ATP13A4: variants seen among roughly 807,000 people sequenced by gnomAD.
The protein encoded by ATP13A4 is probable cation-transporting ATPase 13A4.
ATP13A4 carries 114 observed loss-of-function variants against 142.5 expected under a neutral mutation model. The observed-to-expected ratio is 0.80, with a 90% confidence interval of 0.69 to 0.93. The LOEUF (loss-of-function observed/expected upper bound fraction) is 0.93. ATP13A4 is among the 40% of genes least tolerant of loss of function. ATP13A4 has a pLI of 0.00. For synonymous variants in ATP13A4, 488 were observed against 514.8 expected (o/e 0.95, Z 0.70); for missense variants, 1,392 against 1,454.0 (o/e 0.96, Z 0.69).
rs1204137400 is a variant in ATP13A4 at position 193,462,829 on chromosome 3, C to A, written c.1462-6G>T. The A allele has an allele frequency of 3.7e-6, 6 of 1,613,508 alleles. No individual in the cohort carries two copies. The highest frequency in any genetic ancestry group is 5.1e-6 in the Non-Finnish European group (6 of 1,179,642). On this transcript the variant is annotated splice_polypyrimidine_tract_variant and splice_region_variant and intron_variant, in intron 12 of 29. Transcript: ENST00000342695. ...TCCCTTGTTAAGGTGCCTGTCTAAA[C>A]AGAAACAAATGCTCCATTTACTCTG...
intron 20 of ATP13A4, 131 bp downstream of exon 20, chr3:193,441,335 C>T: frequency 1.8e-6 from 2 of 1,139,808 alleles, no homozygotes; most frequent in Admixed American, 3.7e-5. Flanking sequence ...AAATATCTGT[C>T]TCTCTTAAGA....
At chr3:193,473,599 G>A (rs1718745098) in intron 8 of ATP13A4, among the ~76,000 whole-genome samples, 1 of 152,146 alleles carries the variant, frequency 6.6e-6, no homozygotes, top group Admixed American at 6.5e-5. Context: ...TTGCAATGGA[G>A]AAACCTGGCA....
At chr3:193,490,074 C>T (rs1250194019) in intron 6 of ATP13A4, among the ~76,000 whole-genome samples, 1 of 152,138 alleles carries the variant, frequency 6.6e-6, no homozygotes. Context: ...ACCTTATTAA[C>T]CAGAAGTTGT....
chr3:193,572,781 T>C (rs545802804), intron 2 of ATP13A4, among the ~76,000 whole-genome samples: 120 of 151,886 alleles, frequency 7.9e-4, no homozygotes, highest in Non-Finnish European at 1.3e-3. Context: ...AACCAGCTGA[T>C]GGGAATGTAA....
At chr3:193,530,032 C>G (rs988534818) in intron 1 of ATP13A4, among the ~76,000 whole-genome samples, 2 of 152,134 alleles carry the variant, frequency 1.3e-5, no homozygotes, top group Non-Finnish European at 2.9e-5. Context: ...TCTTCCTTAT[C>G]CTGCATTTGT....
At chr3:193,492,272 T>G (rs1299474471) in intron 5 of ATP13A4, among the ~76,000 whole-genome samples, 1 of 152,156 alleles carries the variant, frequency 6.6e-6, no homozygotes, top group Admixed American at 6.5e-5. Context: ...TCATAGAAAC[T>G]TAGAACAGCA....
At chr3:193,408,780 C>T (rs1714629224) in intron 28 of ATP13A4, among the ~76,000 whole-genome samples, 1 of 151,934 alleles carries the variant, frequency 6.6e-6, no homozygotes, top group Non-Finnish European at 1.5e-5. Flanking sequence ...CACATCTAGC[C>T]CTCCTTCTTC....
intron 28 of ATP13A4, 123 bp downstream of exon 28, chr3:193,410,859 C>T: frequency 1.5e-6 from 1 of 669,250 alleles, no homozygotes; most frequent in South Asian, 1.8e-5. Flanking sequence ...TTTTTTTTAG[C>T]TCTGCCATCC....
At chr3:193,407,055 T>C (rs1342210430) in intron 29 of ATP13A4, among the ~76,000 whole-genome samples, 2 of 152,116 alleles carry the variant, frequency 1.3e-5, no homozygotes, top group South Asian at 4.1e-4. Context: ...GGGTCTTTAT[T>C]TGGAAATTGT....
intron 18 of ATP13A4, among the ~76,000 whole-genome samples, chr3:193,446,178 TAAAC>T (rs1716944440): frequency 1.3e-5 from 2 of 150,612 alleles, no homozygotes; most frequent in African/African-American, 2.4e-5. Flanking sequence ...AATAAGTAAA[TAAAC>T]AAACAAATAA....
intron 26 of ATP13A4, among the ~76,000 whole-genome samples, chr3:193,414,244 A>T (rs1422537102): frequency 6.6e-6 from 1 of 152,244 alleles, no homozygotes; most frequent in Admixed American, 6.5e-5. Context: ...AAAGATGTTA[A>T]TAATTTCACT....
chr3:193,444,836 C>T (rs1418078542), intron 18 of ATP13A4, among the ~76,000 whole-genome samples: 2 of 152,174 alleles, frequency 1.3e-5, no homozygotes, highest in Non-Finnish European at 2.9e-5. Context: ...TCAAAAGAGC[C>T]GAAGTGGTAG....
rs556690441 is a variant in ATP13A4, at chr3:193,428,288, A to T, written c.2842+5557T>A. Among the ~76,000 whole-genome samples, 4 of 151,444 alleles carry T rather than the reference A, an allele frequency of 2.6e-5. No individual in the cohort carries two copies. The South Asian group carries it at 8.3e-4, about 31-fold the overall frequency. On this transcript the variant is annotated intron_variant, in intron 25 of 29. Transcript: ENST00000342695. The stretch of plus-strand genomic sequence containing the variant: ...ATGGTGATAATTAGAAAGTCAGGAA[A>T]CAACAGGTGTTGGAGAGGATGTGGA...
chr3:193,531,329 A>AGTAAGGGAG, intron 1 of ATP13A4, among the ~76,000 whole-genome samples: 1 of 114,990 alleles, frequency 8.7e-6, no homozygotes, highest in Admixed American at 9.0e-5. Flanking sequence ...GAAGGAAGGA[A>AGTAAGGGAG]GGAAGGAAGG....
rs941874616 is a variant in ATP13A4, at chr3:193,565,848, G to A, written n.291+15859C>T. On this transcript the variant is annotated intron_variant and non_coding_transcript_variant, in intron 2 of 3. Transcript: ENST00000489140. ...CCTGTTTCTTGCTATCTCACTATGT[G>A]ATGTTGAACGCACCATTCCACTGCT... Among the ~76,000 whole-genome samples, 6 of 152,236 alleles carry A rather than the reference G, an allele frequency of 3.9e-5. 1 individual carries two copies. The highest frequency in any genetic ancestry group is 1.2e-4 in the African/African-American group (5 of 41,474).
intron 2 of ATP13A4, among the ~76,000 whole-genome samples, chr3:193,504,020 T>TGTGAGA (rs1034644341): frequency 3.5e-4 from 50 of 144,320 alleles, no homozygotes; most frequent in African/African-American, 1.3e-3. Flanking sequence ...TGTGTGTGTG[T>TGTGAGA]GAGAGAGAGA....
intron 8 of ATP13A4, among the ~76,000 whole-genome samples, chr3:193,481,192 G>A (rs1160708765): frequency 2.0e-5 from 3 of 152,118 alleles, no homozygotes; most frequent in Non-Finnish European, 4.4e-5. Flanking sequence ...CTCAGGTGAT[G>A]GCTGCACCAA....
intron 25 of ATP13A4, among the ~76,000 whole-genome samples, chr3:193,417,593 A>G (rs999353810): frequency 6.6e-6 from 1 of 152,214 alleles, no homozygotes; most frequent in African/African-American, 2.4e-5. Flanking sequence ...CAAGGGTAAA[A>G]GACTGAGAAC....
chr3:193,470,918 A>G lies in ATP13A4; in HGVS notation c.884T>C (p.Met295Thr). 1 of 1,614,188 alleles carries G rather than the reference A, an allele frequency of 6.2e-7. No homozygotes were observed. Among genetic ancestry groups the G allele is most frequent in the African/African-American group, 1.3e-5 (1 of 75,054 alleles). Residue 295 changes from methionine to threonine, a missense_variant, in exon 9 of 30, where the codon ATG becomes ACG. Coordinates refer to ENST00000342695, the MANE Select transcript of ATP13A4 (RefSeq NM_032279.4). Reference protein sequence around the residue: ...LLILTGNKVLMPCDAVLIEGS... With the variant: ...LLILTGNKVLTPCDAVLIEGS... ...TTCAATCAGAACGGCATCACATGGC[A>G]TTAGCACTTTGTTCCCTGTCAAAAT...
Sources: allele counts gnomAD v4.1 joint callset (sites outside exome capture counted in the v4.1 genomes callset), GRCh38; gene constraint gnomAD v4.1.1; transcripts MANE v1.5; gene names NCBI Gene and HGNC (gene_info 2026-07-23, HGNC 2026-07-21).